PPP3CA: variants seen among roughly 807,000 people sequenced by gnomAD.
PPP3CA encodes the protein protein phosphatase 3 catalytic subunit alpha, also known as CAM-PRP catalytic subunit.
In PPP3CA, 14 loss-of-function variants were observed where a neutral mutation model predicts 66.5. The ratio of observed to expected loss-of-function variants is 0.21; its 90% CI spans 0.14 to 0.33. The LOEUF (loss-of-function observed/expected upper bound fraction) is 0.33, where lower values mean the gene tolerates loss of function less well. Among genes scored for constraint, PPP3CA ranks in the 10% least tolerant of loss-of-function variants. The pLI, the probability that PPP3CA is intolerant of heterozygous loss-of-function variation, is 1.00. For missense variants in PPP3CA, 317 were observed against 639.5 expected, an observed-to-expected ratio of 0.50 and a Z score of 5.44; for synonymous variants, 232 against 226.2, an observed-to-expected ratio of 1.03 and a Z score of -0.23.
intron 11 of PPP3CA, among the ~76,000 whole-genome samples, chr4:101,032,723 T>G (rs1023274938): frequency 2.6e-4 from 39 of 152,246 alleles, no homozygotes; most frequent in Non-Finnish European, 4.1e-4. Flanking sequence ...AGAATGCTGA[T>G]GTTAAGTTTT....
intron 10 of PPP3CA, among the ~76,000 whole-genome samples, chr4:101,044,205 T>G (rs1290465719): frequency 1.3e-5 from 2 of 152,222 alleles, no homozygotes; most frequent in Non-Finnish European, 2.9e-5. Flanking sequence ...TATACTATAC[T>G]TAGTATTGCT....
intron 1 of PPP3CA, among the ~76,000 whole-genome samples, chr4:101,343,288 T>C (rs895801438): frequency 6.6e-6 from 1 of 152,142 alleles, no homozygotes; most frequent in Non-Finnish European, 1.5e-5. Flanking sequence ...TAATTTCCTC[T>C]AAGTATTTTT....
intron 1 of PPP3CA, among the ~76,000 whole-genome samples, chr4:101,244,409 G>A (rs1402655564): frequency 6.6e-6 from 1 of 152,086 alleles, no homozygotes; most frequent in Non-Finnish European, 1.5e-5. Flanking sequence ...TCTTCAATCT[G>A]CAAGTCGAAC....
intron 7 of PPP3CA, 112 bp downstream of exon 7, chr4:101,083,074 A>G: frequency 2.8e-6 from 2 of 719,542 alleles, no homozygotes; most frequent in Admixed American, 6.2e-5. Flanking sequence ...TTAAGCTCTA[A>G]TTCCTTTTGG....
At chr4:101,256,763 T>G (rs970978088) in intron 1 of PPP3CA, among the ~76,000 whole-genome samples, 1 of 152,024 alleles carries the variant, frequency 6.6e-6, no homozygotes, top group African/African-American at 2.4e-5. Flanking sequence ...ATGTTAGGGT[T>G]GTATTCCTAG....
intron 10 of PPP3CA, among the ~76,000 whole-genome samples, chr4:101,051,422 A>G (rs1218921506): frequency 6.6e-6 from 1 of 152,160 alleles, no homozygotes; most frequent in Non-Finnish European, 1.5e-5. Context: ...ACAATCTTCA[A>G]GTTAAGAACC....
intron 1 of PPP3CA, among the ~76,000 whole-genome samples, chr4:101,334,085 A>G (rs1031823363): frequency 2.0e-5 from 3 of 152,054 alleles, no homozygotes; most frequent in Non-Finnish European, 4.4e-5. Flanking sequence ...CTACTTACCG[A>G]GCAGGAGATT....
intron 10 of PPP3CA, among the ~76,000 whole-genome samples, chr4:101,041,852 C>T (rs1435175779): frequency 6.6e-6 from 1 of 152,144 alleles, no homozygotes; most frequent in African/African-American, 2.4e-5. Context: ...AATAGATATA[C>T]AACAGAATAT....
chr4:101,216,782 C>G (rs903198417), intron 1 of PPP3CA, among the ~76,000 whole-genome samples: 1 of 151,990 alleles, frequency 6.6e-6, no homozygotes, highest in Non-Finnish European at 1.5e-5. Context: ...AACTCCTGGG[C>G]TCTCGCAATC....
chr4:101,029,984 G>C (rs1174021573), intron 12 of PPP3CA, among the ~76,000 whole-genome samples: 4 of 151,894 alleles, frequency 2.6e-5, no homozygotes. Context: ...TGCCAGTAGT[G>C]GCAATAATTC....
intron 1 of PPP3CA, among the ~76,000 whole-genome samples, chr4:101,203,196 A>G (rs768132986): frequency 2.0e-5 from 3 of 152,230 alleles, no homozygotes; most frequent in Non-Finnish European, 4.4e-5. Context: ...GATCAGACTA[A>G]TTAAATGAAT....
chr4:101,045,825 A>G (rs2732497), intron 10 of PPP3CA, among the ~76,000 whole-genome samples: 88,710 of 152,126 alleles, frequency 0.58, 26,601 homozygotes, highest in East Asian at 0.88. Flanking sequence ...TAGATTGCTG[A>G]ATGAGTAGAG....
rs201507463 is a variant in PPP3CA at position 101,118,956 on chromosome 4, ATTTTTTT to A, written c.260-9885_260-9879del. Among the ~76,000 whole-genome samples the A allele has an allele frequency of 3.9e-4, 51 of 129,934 alleles. No homozygotes were observed. The South Asian group carries it at 4.9e-3, about 12-fold the overall frequency. The allele number at this position is 129,934 out of a possible 152,430, so 85.2% of individuals were successfully genotyped here. A position where few individuals can be genotyped will look rare whatever the true frequency, so the allele number is the denominator to read the frequency against. On this transcript the variant is annotated intron_variant, in intron 2 of 13. Coordinates refer to ENST00000394854, the MANE Select transcript of PPP3CA (RefSeq NM_000944.5). ...CTATAAGGAGACTCAGAACTTACAG[ATTTTTTT>A]TTTTTTTTTTTTTTTTAAACAATGA...
intron 2 of PPP3CA, among the ~76,000 whole-genome samples, chr4:101,137,449 A>C (rs758236581): frequency 9.9e-5 from 15 of 152,084 alleles, no homozygotes; most frequent in Non-Finnish European, 1.6e-4. Context: ...CCCAGGTGTC[A>C]TGCTCGGTGT....
chr4:101,233,746 T>A (rs2110226301), intron 1 of PPP3CA, among the ~76,000 whole-genome samples: 1 of 128,980 alleles, frequency 7.8e-6, no homozygotes, highest in African/African-American at 2.9e-5. Context: ...TTTTTTTTTT[T>A]AACTTTTATT....
intron 5 of PPP3CA, among the ~76,000 whole-genome samples, chr4:101,096,863 A>G (rs771919072): frequency 6.6e-6 from 1 of 152,036 alleles, no homozygotes; most frequent in Non-Finnish European, 1.5e-5. Flanking sequence ...TTAATAACTT[A>G]TGGCAGCTGA....
chr4:101,142,218 C>G (rs370551191), intron 2 of PPP3CA, among the ~76,000 whole-genome samples: 98 of 152,218 alleles, frequency 6.4e-4, no homozygotes, highest in African/African-American at 2.3e-3. Flanking sequence ...ATTATCTGTA[C>G]AGAAGTAAGC....
intron 1 of PPP3CA, among the ~76,000 whole-genome samples, chr4:101,266,834 A>T (rs967325425): frequency 6.6e-6 from 1 of 152,252 alleles, no homozygotes; most frequent in Non-Finnish European, 1.5e-5. Context: ...ATCTCTGGGT[A>T]TAAAAGGAGA....
intron 8 of PPP3CA, among the ~76,000 whole-genome samples, chr4:101,079,717 A>T (rs963149205): frequency 6.6e-6 from 1 of 152,340 alleles, no homozygotes; most frequent in South Asian, 2.1e-4. Flanking sequence ...TTCACATTTT[A>T]TCACGCATGT....
Sources: allele counts gnomAD v4.1 joint callset (sites outside exome capture counted in the v4.1 genomes callset), GRCh38; gene constraint gnomAD v4.1.1; transcripts MANE v1.5; gene names NCBI Gene and HGNC (gene_info 2026-07-23, HGNC 2026-07-21).